Variants in LHFPL6 observed in about 807,000 individuals in gnomAD.
LHFPL6 encodes LHFPL tetraspan subfamily member 6 protein.
LHFPL6 carries 9 observed loss-of-function variants against 20.6 expected under a neutral mutation model. That is an observed-to-expected ratio of 0.44 (90% CI 0.26 to 0.76). The LOEUF (loss-of-function observed/expected upper bound fraction) is 0.76, where lower values mean the gene tolerates loss of function less well. Among genes scored for constraint, LHFPL6 ranks in the 30% least tolerant of loss-of-function variants. The pLI, the probability that LHFPL6 is intolerant of heterozygous loss-of-function variation, is 0.20. For missense variants in LHFPL6, 218 were observed against 253.5 expected, an observed-to-expected ratio of 0.86 and a Z score of 0.95; for synonymous variants, 105 against 98.7, an observed-to-expected ratio of 1.06 and a Z score of -0.38.
intron 2 of LHFPL6, among the ~76,000 whole-genome samples, chr13:39,463,594 G>A (rs530184456): frequency 2.0e-5 from 3 of 152,250 alleles, no homozygotes; most frequent in East Asian, 3.9e-4. Context: ...AGGTGCCTCC[G>A]AAAGTCCATG....
intron 2 of LHFPL6, among the ~76,000 whole-genome samples, chr13:39,562,369 T>TATATATAC (rs1566141867): frequency 1.0e-5 from 1 of 98,754 alleles, no homozygotes; most frequent in Non-Finnish European, 2.1e-5. Flanking sequence ...TACATATACA[T>TATATATAC]ATATACATAT....
chr13:39,364,832 T>A (rs965652337), intron 3 of LHFPL6, among the ~76,000 whole-genome samples: 1 of 152,196 alleles, frequency 6.6e-6, no homozygotes, highest in Non-Finnish European at 1.5e-5. Flanking sequence ...CCCTTTGTCT[T>A]GTCTGGCCAG....
chr13:39,352,863 G>T (rs1215912222), intron 3 of LHFPL6, among the ~76,000 whole-genome samples: 1 of 50,962 alleles, frequency 2.0e-5, no homozygotes, highest in Admixed American at 2.5e-4. Flanking sequence ...GTATATATAT[G>T]TGTATATATA....
intron 2 of LHFPL6, among the ~76,000 whole-genome samples, chr13:39,481,473 A>G (rs1868524409): frequency 6.6e-6 from 1 of 152,234 alleles, no homozygotes; most frequent in African/African-American, 2.4e-5. Context: ...CGATAGGCAT[A>G]TGTAATGGAA....
chr13:39,456,256 CAG>C (rs1432352967), intron 2 of LHFPL6, among the ~76,000 whole-genome samples: 2 of 152,180 alleles, frequency 1.3e-5, no homozygotes, highest in Non-Finnish European at 2.9e-5. Context: ...TTCCAAATTT[CAG>C]AGGATTGTTT....
intron 2 of LHFPL6, among the ~76,000 whole-genome samples, chr13:39,520,256 C>T (rs1030718662): frequency 5.9e-5 from 9 of 152,154 alleles, no homozygotes; most frequent in Admixed American, 2.0e-4. Flanking sequence ...AAAAACAGAA[C>T]GGGACCCAGC....
At chr13:39,443,274 G>C (rs534298022) in intron 2 of LHFPL6, among the ~76,000 whole-genome samples, 2 of 152,204 alleles carry the variant, frequency 1.3e-5, no homozygotes, top group South Asian at 4.1e-4. Context: ...GTCATGGTAT[G>C]ACACAGCAAG....
intron 3 of LHFPL6, among the ~76,000 whole-genome samples, chr13:39,352,158 T>C (rs1326705709): frequency 6.6e-6 from 1 of 152,184 alleles, no homozygotes; most frequent in Non-Finnish European, 1.5e-5. Flanking sequence ...GATGTGGAAA[T>C]GTGATGTCTA....
intron 2 of LHFPL6, among the ~76,000 whole-genome samples, chr13:39,518,680 T>C (rs1010035448): frequency 2.0e-5 from 3 of 152,172 alleles, no homozygotes; most frequent in Admixed American, 2.0e-4. Context: ...CCTTCTACAA[T>C]AGTATTTCTC....
At chr13:39,438,602 G>A (rs780200830) in intron 2 of LHFPL6, among the ~76,000 whole-genome samples, 2 of 152,226 alleles carry the variant, frequency 1.3e-5, no homozygotes, top group African/African-American at 2.4e-5. Flanking sequence ...TCCTATCACA[G>A]GCCCAGAGGC....
intron 3 of LHFPL6, among the ~76,000 whole-genome samples, chr13:39,357,036 G>A (rs1032751078): frequency 4.6e-5 from 7 of 152,130 alleles, no homozygotes; most frequent in African/African-American, 1.7e-4. Flanking sequence ...TCTGGGTGTG[G>A]TTGCATGAAC....
chr13:39,584,957 A>C (rs1053352041), intron 2 of LHFPL6, among the ~76,000 whole-genome samples: 7 of 152,292 alleles, frequency 4.6e-5, no homozygotes, highest in African/African-American at 1.7e-4. Flanking sequence ...CGAGAAGTCT[A>C]TGGTGACTCT....
intron 2 of LHFPL6, among the ~76,000 whole-genome samples, chr13:39,578,807 T>C (rs1413761572): frequency 6.6e-6 from 1 of 152,102 alleles, no homozygotes. Flanking sequence ...GCTCATAAAG[T>C]TTCCCAGGAG....
At chr13:39,473,960 A>G (rs1000877707) in intron 2 of LHFPL6, among the ~76,000 whole-genome samples, 2 of 152,254 alleles carry the variant, frequency 1.3e-5, no homozygotes, top group African/African-American at 2.4e-5. Flanking sequence ...ATGACCATCC[A>G]GTAAATTTCC....
chr13:39,419,871 T>G (rs1257638270), intron 2 of LHFPL6, among the ~76,000 whole-genome samples: 2 of 152,218 alleles, frequency 1.3e-5, no homozygotes, highest in Non-Finnish European at 2.9e-5. Context: ...TTTAGAAATA[T>G]ATTTAAAAAT....
intron 2 of LHFPL6, among the ~76,000 whole-genome samples, chr13:39,432,180 T>G (rs1871829429): frequency 6.6e-6 from 1 of 152,206 alleles, no homozygotes; most frequent in African/African-American, 2.4e-5. Context: ...CCTCCAACTG[T>G]GAGGAAATGA....
chr13:39,351,161 T>A (rs1295687392), intron 3 of LHFPL6, among the ~76,000 whole-genome samples: 4 of 152,218 alleles, frequency 2.6e-5, no homozygotes. Context: ...GTGGCATGAA[T>A]GGATATCAGA....
intron 2 of LHFPL6, among the ~76,000 whole-genome samples, chr13:39,586,636 A>C (rs1872456548): frequency 6.6e-6 from 1 of 152,218 alleles, no homozygotes; most frequent in Non-Finnish European, 1.5e-5. Flanking sequence ...TTGTGACAGC[A>C]GGTCTTGACT....
At chr13:39,447,563 C>A (rs1191009459) in intron 2 of LHFPL6, among the ~76,000 whole-genome samples, 1 of 152,174 alleles carries the variant, frequency 6.6e-6, no homozygotes, top group African/African-American at 2.4e-5. Context: ...TTGATAAGAT[C>A]TGCAAGCCCA....
Sources: gnomAD v4.1 joint callset for allele counts (sites outside exome capture counted in the v4.1 genomes callset) on GRCh38, gnomAD v4.1.1 for gene constraint, MANE v1.5 for transcripts, NCBI Gene and HGNC (gene_info 2026-07-23, HGNC 2026-07-21) for gene names.